TMEM132B: variants seen among roughly 807,000 people sequenced by gnomAD.
TMEM132B encodes transmembrane protein 132B.
In TMEM132B, 18 loss-of-function variants were observed where a neutral mutation model predicts 90.8. That is an observed-to-expected ratio of 0.20 (90% confidence interval 0.14 to 0.29). The LOEUF (loss-of-function observed/expected upper bound fraction) is 0.29, where lower values mean the gene tolerates loss of function less well. TMEM132B is among the 10% of genes least tolerant of loss of function. The pLI, the probability that TMEM132B is intolerant of heterozygous loss-of-function variation, is 1.00. For missense variants in TMEM132B, 1,096 were observed against 1,326.8 expected (o/e 0.83, Z 2.70); for synonymous variants, 504 against 523.3 (o/e 0.96, Z 0.50).
intron 3 of TMEM132B, among the ~76,000 whole-genome samples, chr12:125,432,604 C>T (rs1473886026): frequency 2.0e-5 from 3 of 147,540 alleles, no homozygotes; most frequent in Non-Finnish European, 4.5e-5. Flanking sequence ...ATGCCCATGG[C>T]TTGCTGCCTA....
At chr12:125,373,734 T>C (rs1439895974) in intron 2 of TMEM132B, among the ~76,000 whole-genome samples, 3 of 152,214 alleles carry the variant, frequency 2.0e-5, no homozygotes, top group Admixed American at 2.0e-4. Flanking sequence ...CTCCCCTTTC[T>C]AACCTGTGTT....
At chr12:125,418,572 G>A (rs1424022478) in intron 3 of TMEM132B, among the ~76,000 whole-genome samples, 6 of 152,084 alleles carry the variant, frequency 3.9e-5, no homozygotes, top group African/African-American at 1.2e-4. Context: ...CTCGTGGACC[G>A]TGCTTGCCAG....
In TMEM132B at chr12:125,588,085, T is replaced by C. The variant is rs371228144; in HGVS notation, c.1437+4091T>C. On this transcript the variant is annotated intron_variant, in intron 5 of 8. Transcript: ENST00000682704. ...AATGGAAGTTGAAAGGTACCAGTTT[T>C]AGCTCAATATAAAGAAAAAGACTGC... 1.2e-4 allele frequency: 19 copies of C among 152,292 alleles called. No individual in the cohort carries two copies. The East Asian group carries it at 1.4e-3, about 11-fold the overall frequency. The allele number at this position is 152,292 out of a possible 1,614,324, so 9.4% of individuals were successfully genotyped here.
intron 1 of TMEM132B, among the ~76,000 whole-genome samples, chr12:125,250,011 G>A (rs868262223): frequency 1.3e-5 from 2 of 152,232 alleles, no homozygotes; most frequent in South Asian, 2.1e-4. Context: ...AGTGCAGGGC[G>A]TTTTATTGGG....
chr12:125,546,533 T>G (rs1169924626), intron 4 of TMEM132B, among the ~76,000 whole-genome samples: 1 of 152,250 alleles, frequency 6.6e-6, no homozygotes, highest in Middle Eastern at 3.2e-3. Flanking sequence ...GAACTTTATA[T>G]AAATGGAATC....
At chr12:125,514,123 T>TA (rs1883046705) in intron 3 of TMEM132B, among the ~76,000 whole-genome samples, 2 of 152,188 alleles carry the variant, frequency 1.3e-5, no homozygotes, top group Admixed American at 1.3e-4. Flanking sequence ...TAAACAGACT[T>TA]ACGGCCTGGA....
chr12:125,367,793 A>G (rs61943144), intron 2 of TMEM132B, among the ~76,000 whole-genome samples: 194 of 152,234 alleles, frequency 1.3e-3, no homozygotes, highest in Non-Finnish European at 2.4e-3. Flanking sequence ...CGTAGGACCA[A>G]CTCTAGTATC....
At chr12:125,227,415 G>A (rs759618855) in intron 1 of TMEM132B, among the ~76,000 whole-genome samples, 1 of 152,192 alleles carries the variant, frequency 6.6e-6, no homozygotes, top group Non-Finnish European at 1.5e-5. Context: ...ACAGCTCCAG[G>A]GTGGCAGAGC....
intron 3 of TMEM132B, among the ~76,000 whole-genome samples, chr12:125,488,571 G>A (rs1016893490): frequency 1.3e-5 from 2 of 152,132 alleles, no homozygotes; most frequent in African/African-American, 2.4e-5. Flanking sequence ...CTCTCTCTTT[G>A]CCTGCTGCCA....
In TMEM132B at chr12:125,409,425, G is replaced by T. The variant is rs376450340; in HGVS notation, c.960-6106G>T. On this transcript the variant is annotated intron_variant, in intron 2 of 8. Transcript: ENST00000682704. ...CCTGTCCCGTGAGGAGGCATCCGGC[G>T]GCAGTGCTTGTGGTGTGCACAGGAG... 7.9e-5 allele frequency among the ~76,000 whole-genome samples: 12 copies of T among 152,324 alleles called. No individual in the cohort carries two copies. The South Asian group carries it at 2.3e-3, about 29-fold the overall frequency.
chr12:125,618,075 C>A (rs1465430791), intron 5 of TMEM132B, among the ~76,000 whole-genome samples: 1 of 152,092 alleles, frequency 6.6e-6, no homozygotes, highest in African/African-American at 2.4e-5. Flanking sequence ...GTTCTTATGA[C>A]CTGCTCCTCT....
intron 4 of TMEM132B, among the ~76,000 whole-genome samples, chr12:125,562,870 T>A (rs1255893169): frequency 6.6e-6 from 1 of 152,168 alleles, no homozygotes; most frequent in African/African-American, 2.4e-5. Context: ...TGAGTTTTGT[T>A]ATAAATTACC....
At chr12:125,318,733 A>T in intron 1 of TMEM132B, among the ~76,000 whole-genome samples, 1 of 152,152 alleles carries the variant, frequency 6.6e-6, no homozygotes, top group East Asian at 1.9e-4. Flanking sequence ...CATGGTGTGT[A>T]TGTACCACAT....
At chr12:125,577,745 A>G (rs113087312) in intron 4 of TMEM132B, among the ~76,000 whole-genome samples, 2 of 152,074 alleles carry the variant, frequency 1.3e-5, no homozygotes, top group African/African-American at 4.8e-5. Flanking sequence ...TTACTGCTAT[A>G]CATTTCCCTC....
At chr12:125,567,323 C>T (rs1425681571) in intron 4 of TMEM132B, among the ~76,000 whole-genome samples, 1 of 152,156 alleles carries the variant, frequency 6.6e-6, no homozygotes, top group Non-Finnish European at 1.5e-5. Context: ...TCTAATGTCT[C>T]TATCTGTATA....
At chr12:125,255,003 C>T (rs762912691) in intron 1 of TMEM132B, among the ~76,000 whole-genome samples, 1 of 152,246 alleles carries the variant, frequency 6.6e-6, no homozygotes, top group Non-Finnish European at 1.5e-5. Context: ...CTACTTTAAA[C>T]GATGGGGACT....
At chr12:125,491,457 A>G (rs1157939380) in intron 3 of TMEM132B, among the ~76,000 whole-genome samples, 2 of 152,218 alleles carry the variant, frequency 1.3e-5, no homozygotes, top group Non-Finnish European at 2.9e-5. Flanking sequence ...TAGGGCCATC[A>G]TTAACCAAAC....
chr12:125,475,470 G>T (rs866766494), intron 3 of TMEM132B, among the ~76,000 whole-genome samples: 2 of 152,236 alleles, frequency 1.3e-5, no homozygotes, highest in Middle Eastern at 3.4e-3. Flanking sequence ...TGAGTCAGTG[G>T]GTTGGCCAAG....
chr12:125,570,776 C>T (rs1312841225), intron 4 of TMEM132B, among the ~76,000 whole-genome samples: 1 of 152,090 alleles, frequency 6.6e-6, no homozygotes, highest in African/African-American at 2.4e-5. Flanking sequence ...ATCTGCCTTG[C>T]GATTTTAAAA....
Sources: allele counts gnomAD v4.1 joint callset (sites outside exome capture counted in the v4.1 genomes callset), GRCh38; gene constraint gnomAD v4.1.1; transcripts MANE v1.5; gene names NCBI Gene and HGNC (gene_info 2026-07-23, HGNC 2026-07-21).